The following XRCC5 variants were observed in gnomAD, a reference collection of about 807,000 sequenced individuals.
XRCC5 encodes DNA repair protein Ku80.
Under a neutral mutation model 95.7 loss-of-function variants are expected in XRCC5, and 12 were observed. The ratio of observed to expected loss-of-function variants is 0.13; its 90% confidence interval spans 0.08 to 0.20. XRCC5 has a LOEUF of 0.20. XRCC5 is among the 10% of genes least tolerant of loss of function. The pLI, the probability that XRCC5 is intolerant of heterozygous loss-of-function variation, is 1.00. For synonymous variants in XRCC5, 281 were observed against 290.3 expected (o/e 0.97, Z 0.33); for missense variants, 595 against 873.9 (o/e 0.68, Z 4.02).
In XRCC5 at chr2:216,109,392, G is replaced by T. The variant is rs1471000836; in HGVS notation, c.-45G>T. On this transcript the variant is annotated 5_prime_UTR_variant, in exon 1 of 21. Transcript: ENST00000392132. The stretch of plus-strand genomic sequence containing the variant: ...CCGGAAGCGAGTTGCGACACGGCAG[G>T]TTCCCGCCCGGAAGAAGCGACCAAA... The T allele has an allele frequency of 1.2e-6, 2 of 1,613,164 alleles. No individual in the cohort carries two copies. The highest frequency in any genetic ancestry group is 1.7e-6 in the Non-Finnish European group (2 of 1,179,614).
chr2:216,177,354 G>T (rs928794934), intron 16 of XRCC5, among the ~76,000 whole-genome samples: 1 of 152,110 alleles, frequency 6.6e-6, no homozygotes, highest in African/African-American at 2.4e-5. Context: ...AACCAGCTTG[G>T]GTCATGAGAT....
intron 16 of XRCC5, among the ~76,000 whole-genome samples, chr2:216,187,990 G>C (rs1438396099): frequency 6.6e-6 from 1 of 151,652 alleles, no homozygotes; most frequent in Non-Finnish European, 1.5e-5. Context: ...GAGCCACGCT[G>C]TACCCCTACC....
At chr2:216,124,695 T>C (rs1696875977) in intron 6 of XRCC5, among the ~76,000 whole-genome samples, 1 of 152,228 alleles carries the variant, frequency 6.6e-6, no homozygotes, top group African/African-American at 2.4e-5. Context: ...ACTCTGTGGA[T>C]AATGTAAAAT....
At chr2:216,123,569 G>A (rs2106004914) in intron 6 of XRCC5, among the ~76,000 whole-genome samples, 1 of 152,302 alleles carries the variant, frequency 6.6e-6, no homozygotes, top group East Asian at 1.9e-4. Flanking sequence ...ACTTTGGGAG[G>A]CTGAGGTGGG....
chr2:216,158,117 T>C (rs1485168380), intron 14 of XRCC5, among the ~76,000 whole-genome samples: 1 of 152,196 alleles, frequency 6.6e-6, no homozygotes, highest in Non-Finnish European at 1.5e-5. Flanking sequence ...TTTTGGAGGG[T>C]TGAAGAAATT....
intron 16 of XRCC5, chr2:216,175,246 A>G (rs761253489): frequency 7.2e-6 from 3 of 414,082 alleles, no homozygotes; most frequent in African/African-American, 2.1e-5. Flanking sequence ...TATATCCACC[A>G]TTACACCCTC....
chr2:216,183,616 T>C (rs1380882878), intron 16 of XRCC5, among the ~76,000 whole-genome samples: 1 of 152,210 alleles, frequency 6.6e-6, no homozygotes, highest in East Asian at 1.9e-4. Flanking sequence ...CATAATATTA[T>C]GGCTGTGGTG....
intron 16 of XRCC5, among the ~76,000 whole-genome samples, chr2:216,181,273 T>C (rs1487664642): frequency 6.6e-6 from 1 of 152,230 alleles, no homozygotes; most frequent in Non-Finnish European, 1.5e-5. Flanking sequence ...TCCAGCATCC[T>C]TCATTAATAA....
chr2:216,162,166 A>G (rs1559252277), intron 16 of XRCC5, 118 bp downstream of exon 16: 1 of 968,260 alleles, frequency 1.0e-6, no homozygotes, highest in Non-Finnish European at 1.6e-6. Context: ...TTACTGGCGG[A>G]TCTTTGTGGT....
Position 216,194,816 on chromosome 2 carries a change from A to T in XRCC5, c.2042-103A>T, listed in dbSNP as rs1689684935. ...TGGGACCCTGTCTCTATTTAAAAAA[A>T]AGAAATCTTCAGCTCAAAGGTGGGA... On this transcript the variant is annotated intron_variant, in intron 18 of 20. Transcript: ENST00000392132. The T allele has an allele frequency of 7.2e-6, 8 of 1,118,304 alleles. No individual in the cohort carries two copies. The Admixed American group carries it at 1.5e-4, about 21-fold the overall frequency. The allele number at this position is 1,118,304 out of a possible 1,614,324, so 69.3% of individuals were successfully genotyped here.
chr2:216,190,338 A>G lies in XRCC5; in HGVS notation c.1944+4A>G, dbSNP rs769626912. 1.9e-6 allele frequency: 3 copies of G among 1,610,138 alleles called. No individual in the cohort carries two copies. The highest frequency in any genetic ancestry group is 1.7e-6 in the Non-Finnish European group (2 of 1,176,768). ...CTTCCGGGAAGAAGCCATTAAGGTA[A>G]TGCTATCCTAGCATCTCTTTTCTTC... On this transcript the variant is annotated splice_donor_region_variant and intron_variant, in intron 17 of 20. Transcript: ENST00000392132.
At chr2:216,144,406 G>A (rs2106016942) in intron 13 of XRCC5, among the ~76,000 whole-genome samples, 1 of 152,258 alleles carries the variant, frequency 6.6e-6, no homozygotes, top group South Asian at 2.1e-4. Context: ...TACAGCAGTG[G>A]GTAATTAAAG....
chr2:216,138,960 G>T (rs1384536413), intron 12 of XRCC5, among the ~76,000 whole-genome samples: 1 of 152,116 alleles, frequency 6.6e-6, no homozygotes. Flanking sequence ...TGGAAGTAGT[G>T]TGCTATAGAA....
At chr2:216,120,118 G>GA (rs1456803938) in intron 5 of XRCC5, among the ~76,000 whole-genome samples, 2 of 152,120 alleles carry the variant, frequency 1.3e-5, no homozygotes, top group African/African-American at 4.8e-5. Flanking sequence ...TACGACTGTG[G>GA]AAAAAGAGTT....
chr2:216,131,965 C>A (rs1697003457), intron 9 of XRCC5, among the ~76,000 whole-genome samples: 1 of 152,212 alleles, frequency 6.6e-6, no homozygotes, highest in South Asian at 2.1e-4. Context: ...TTTGCAGAAA[C>A]CTTCCCTGAT....
At chr2:216,153,464 A>T (rs1029692369) in intron 14 of XRCC5, among the ~76,000 whole-genome samples, 23 of 152,224 alleles carry the variant, frequency 1.5e-4, no homozygotes, top group Non-Finnish European at 7.3e-5. Context: ...AAGGGTTTTT[A>T]ATCAGGGTTC....
intron 14 of XRCC5, among the ~76,000 whole-genome samples, chr2:216,158,585 C>T (rs893124978): frequency 6.6e-5 from 10 of 152,024 alleles, no homozygotes; most frequent in Admixed American, 3.3e-4. Context: ...CATTTTTCCA[C>T]GAAGGCTGTG....
At chr2:216,153,087 A>G (rs1688775389) in intron 14 of XRCC5, among the ~76,000 whole-genome samples, 1 of 152,150 alleles carries the variant, frequency 6.6e-6, no homozygotes, top group Admixed American at 6.6e-5. Flanking sequence ...GGCTCTTGGA[A>G]GAATAGTCTA....
At chr2:216,180,413 G>A (rs560641137) in intron 16 of XRCC5, among the ~76,000 whole-genome samples, 1 of 152,314 alleles carries the variant, frequency 6.6e-6, no homozygotes, top group African/African-American at 2.4e-5. Flanking sequence ...ATCACTTGAA[G>A]CCAGGAATTC....
Sources: gnomAD v4.1 joint callset for allele counts (sites outside exome capture counted in the v4.1 genomes callset) on GRCh38, gnomAD v4.1.1 for gene constraint, MANE v1.5 for transcripts, NCBI Gene and HGNC (gene_info 2026-07-23, HGNC 2026-07-21) for gene names.